The following PCDHA5 variants were observed in gnomAD, a reference collection of about 807,000 sequenced individuals.
PCDHA5 encodes the protein protocadherin alpha 5, also known as protocadherin alpha-5.
In PCDHA5, 43 loss-of-function variants were observed where a neutral mutation model predicts 61.6. The ratio of observed to expected loss-of-function variants is 0.70; its 90% CI spans 0.55 to 0.90. The LOEUF (loss-of-function observed/expected upper bound fraction) is 0.90. Ranked by LOEUF, PCDHA5 falls within the 40% of genes least tolerant of loss-of-function variation. PCDHA5 has a pLI of 0.00. For synonymous variants in PCDHA5, 627 were observed against 543.9 expected (o/e 1.15, Z -2.13); for missense variants, 1,298 against 1,222.7 (o/e 1.06, Z -0.92).
intron 1 of PCDHA5, among the ~76,000 whole-genome samples, chr5:140,908,289 G>A (rs1031565997): frequency 2.6e-5 from 4 of 152,184 alleles, no homozygotes; most frequent in Non-Finnish European, 4.4e-5. Flanking sequence ...GTTGCAAGCT[G>A]GGGAAGAGAA....
chr5:140,979,359 T>C (rs1554240585), intron 2 of PCDHA5, among the ~76,000 whole-genome samples: 1 of 152,206 alleles, frequency 6.6e-6, no homozygotes, highest in Non-Finnish European at 1.5e-5. Context: ...TACTCATGCT[T>C]TGAGACTTGG....
chr5:140,895,861 G>C (rs1248344470), intron 1 of PCDHA5, among the ~76,000 whole-genome samples: 2 of 152,184 alleles, frequency 1.3e-5, no homozygotes, highest in African/African-American at 4.8e-5. Context: ...CCCCAGGCTG[G>C]AGTGCAATGG....
chr5:140,950,040 C>T (rs1053592525), intron 1 of PCDHA5, among the ~76,000 whole-genome samples: 4 of 151,718 alleles, frequency 2.6e-5, no homozygotes, highest in Non-Finnish European at 5.9e-5. Flanking sequence ...AAGTTACAAC[C>T]ATATAAGACT....
intron 1 of PCDHA5, among the ~76,000 whole-genome samples, chr5:140,926,099 T>C (rs1364046229): frequency 6.6e-6 from 1 of 152,162 alleles, no homozygotes; most frequent in Non-Finnish European, 1.5e-5. Context: ...GCTCCTGGGA[T>C]ACAAGAGGGT....
At chr5:140,841,935 C>T in intron 1 of PCDHA5, 1 of 1,613,898 alleles carries the variant, frequency 6.2e-7, no homozygotes, top group South Asian at 1.1e-5. Flanking sequence ...AGAGAGGACG[C>T]TCCTGCGCAC....
chr5:140,863,248 G>C (rs782700291), intron 1 of PCDHA5: 8 of 1,396,066 alleles, frequency 5.7e-6, no homozygotes, highest in Middle Eastern at 1.9e-4. Context: ...TTTGGCGGGC[G>C]TCGAGGTCCG....
intron 1 of PCDHA5, 35 bp downstream of exon 1, chr5:140,824,162 C>A (rs2150132827): frequency 6.0e-5 from 97 of 1,611,100 alleles, no homozygotes; most frequent in Non-Finnish European, 3.5e-5. Context: ...ATCTTTCCCT[C>A]CCAATTTTCA....
intron 1 of PCDHA5, chr5:140,847,751 C>T (rs1781170062): frequency 1.3e-5 from 2 of 149,804 alleles, no homozygotes; most frequent in Non-Finnish European, 3.0e-5. Context: ...CCCCACGCAA[C>T]ACAAGACCTT....
chr5:140,841,713 C>T, intron 1 of PCDHA5: 1 of 1,613,888 alleles, frequency 6.2e-7, no homozygotes, highest in Non-Finnish European at 8.5e-7. Context: ...GACAACCCGC[C>T]AGTGTTCCGG....
At chr5:140,873,310 G>A (rs2054217209) in intron 1 of PCDHA5, among the ~76,000 whole-genome samples, 1 of 152,176 alleles carries the variant, frequency 6.6e-6, no homozygotes, top group Admixed American at 6.6e-5. Context: ...TAATAAAGGT[G>A]AATATTAGAT....
intron 1 of PCDHA5, chr5:140,828,262 G>T (rs782427409): frequency 2.5e-6 from 4 of 1,613,900 alleles, no homozygotes; most frequent in Non-Finnish European, 3.4e-6. Context: ...TGGAGCTGGC[G>T]GAGCTGGTGC....
chr5:140,920,716 C>T (rs1456008356), intron 1 of PCDHA5, among the ~76,000 whole-genome samples: 3 of 151,916 alleles, frequency 2.0e-5, no homozygotes, highest in South Asian at 2.1e-4. Flanking sequence ...TGGTGGTGTG[C>T]GCCTGCAGTC....
intron 1 of PCDHA5, chr5:140,863,426 T>C: frequency 1.5e-6 from 1 of 661,760 alleles, no homozygotes; most frequent in Non-Finnish European, 2.7e-6. Context: ...CGCAGCGTAG[T>C]GGGATCTGGT....
At chr5:141,006,035 G>T (rs529655038) in intron 3 of PCDHA5, among the ~76,000 whole-genome samples, 7 of 151,222 alleles carry the variant, frequency 4.6e-5, no homozygotes, top group Admixed American at 2.0e-4. Flanking sequence ...GTAAGAGGGA[G>T]ATTTGTAGAT....
chr5:141,002,917 T>C (rs572461368), intron 3 of PCDHA5, among the ~76,000 whole-genome samples: 1 of 152,310 alleles, frequency 6.6e-6, no homozygotes, highest in East Asian at 1.9e-4. Context: ...ATCAGAAAAG[T>C]GAACACCCTC....
chr5:140,834,978 CTT>C (rs1344020761), intron 1 of PCDHA5: 1 of 1,479,296 alleles, frequency 6.8e-7, no homozygotes, highest in Non-Finnish European at 9.1e-7. Flanking sequence ...ATTACGGAAA[CTT>C]TTAGACAGAG....
intron 1 of PCDHA5, among the ~76,000 whole-genome samples, chr5:140,890,741 A>G (rs1346321522): frequency 2.0e-5 from 3 of 152,132 alleles, no homozygotes; most frequent in African/African-American, 7.2e-5. Flanking sequence ...CTTATATACT[A>G]TTTCTGTCAT....
chr5:140,882,562 G>A, intron 1 of PCDHA5: 1 of 1,614,252 alleles, frequency 6.2e-7, no homozygotes, highest in Non-Finnish European at 8.5e-7. Flanking sequence ...TGTGTGGGCG[G>A]AGCGCGGAGT....
chr5:140,948,403 T>A (rs2153683270), intron 1 of PCDHA5, among the ~76,000 whole-genome samples: 1 of 151,756 alleles, frequency 6.6e-6, no homozygotes, highest in Non-Finnish European at 1.5e-5. Context: ...GGTTGTGTAA[T>A]ATTGGTGTTA....
Sources: allele counts gnomAD v4.1 joint callset (sites outside exome capture counted in the v4.1 genomes callset), GRCh38; gene constraint gnomAD v4.1.1; transcripts MANE v1.5; gene names NCBI Gene and HGNC (gene_info 2026-07-23, HGNC 2026-07-21).